Variants in TMTC2 observed in about 807,000 individuals in gnomAD.
TMTC2 encodes protein O-mannosyl-transferase TMTC2.
A neutral mutation model predicts 82.4 loss-of-function variants in TMTC2; 43 were observed. That is an observed-to-expected ratio of 0.52 (90% CI 0.41 to 0.67). TMTC2 has a LOEUF of 0.67. TMTC2 is among the 30% of genes least tolerant of loss of function. The pLI is 0.00. For synonymous variants in TMTC2, 408 were observed against 381.9 expected (o/e 1.07, Z -0.80); for missense variants, 919 against 1,012.4 (o/e 0.91, Z 1.25).
intron 1 of TMTC2, among the ~76,000 whole-genome samples, chr12:82,700,463 T>C (rs1873021704): frequency 6.6e-6 from 1 of 152,134 alleles, no homozygotes; most frequent in Admixed American, 6.6e-5. Flanking sequence ...AATAACTTAG[T>C]ATTTTAGGTA....
At chr12:82,957,184 C>T (rs1302920356) in intron 4 of TMTC2, among the ~76,000 whole-genome samples, 1 of 152,126 alleles carries the variant, frequency 6.6e-6, no homozygotes, top group Non-Finnish European at 1.5e-5. Flanking sequence ...ACCACCCACA[C>T]TCTTGGACCA....
intron 11 of TMTC2, among the ~76,000 whole-genome samples, chr12:83,064,954 T>C (rs1381245932): frequency 1.3e-5 from 2 of 151,938 alleles, no homozygotes; most frequent in African/African-American, 2.4e-5. Flanking sequence ...ATAGTTCCAT[T>C]GTCTTTTCTA....
intron 1 of TMTC2, among the ~76,000 whole-genome samples, chr12:82,695,026 T>A (rs1872725223): frequency 6.6e-6 from 1 of 152,224 alleles, no homozygotes; most frequent in Admixed American, 6.5e-5. Flanking sequence ...TTAGAAGTAT[T>A]TTAACTTCAA....
At chr12:82,981,068 G>A (rs770505033) in intron 7 of TMTC2, among the ~76,000 whole-genome samples, 36 of 151,910 alleles carry the variant, frequency 2.4e-4, no homozygotes, top group Non-Finnish European at 4.4e-4. Flanking sequence ...TGCATTGTTC[G>A]TGTTGGTTAA....
At chr12:82,916,455 A>G (rs2137219577) in intron 3 of TMTC2, among the ~76,000 whole-genome samples, 1 of 152,318 alleles carries the variant, frequency 6.6e-6, no homozygotes, top group Admixed American at 6.5e-5. Flanking sequence ...TTGCATAGAG[A>G]AGAAATGGAT....
At chr12:82,879,298 C>T (rs1234640365) in intron 2 of TMTC2, among the ~76,000 whole-genome samples, 3 of 152,230 alleles carry the variant, frequency 2.0e-5, no homozygotes, top group South Asian at 4.1e-4. Flanking sequence ...CCTTTTTGGC[C>T]GGTTTCATGG....
intron 3 of TMTC2, among the ~76,000 whole-genome samples, chr12:82,905,056 T>C (rs1436082654): frequency 2.0e-5 from 3 of 151,698 alleles, no homozygotes; most frequent in Non-Finnish European, 2.9e-5. Flanking sequence ...TCTTGGTATA[T>C]AGTAGGGGTC....
chr12:82,951,395 G>A (rs901235869), intron 4 of TMTC2, among the ~76,000 whole-genome samples: 1 of 152,026 alleles, frequency 6.6e-6, no homozygotes, highest in Non-Finnish European at 1.5e-5. Flanking sequence ...GGTTCAAGCA[G>A]TTCTCCTGCC....
At chr12:83,109,492 GTC>G (rs890801397) in intron 11 of TMTC2, among the ~76,000 whole-genome samples, 6 of 152,168 alleles carry the variant, frequency 3.9e-5, no homozygotes, top group Non-Finnish European at 7.4e-5. Context: ...ACTAAGTTTG[GTC>G]TCTCAAGAAA....
intron 1 of TMTC2, among the ~76,000 whole-genome samples, chr12:82,711,938 C>T (rs572701628): frequency 2.4e-4 from 37 of 152,266 alleles, no homozygotes; most frequent in Non-Finnish European, 3.8e-4. Context: ...AGTGAATTCT[C>T]CTCCTTCTTG....
At chr12:83,050,556 C>A (rs561384359) in intron 9 of TMTC2, among the ~76,000 whole-genome samples, 1 of 151,872 alleles carries the variant, frequency 6.6e-6, no homozygotes, top group South Asian at 2.1e-4. Context: ...TATGAATATA[C>A]CTGTTTGTAC....
At chr12:83,071,161 G>GC (rs1555210467) in intron 11 of TMTC2, among the ~76,000 whole-genome samples, 7 of 135,412 alleles carry the variant, frequency 5.2e-5, no homozygotes, top group African/African-American at 2.0e-4. Context: ...TTTTTTTTTT[G>GC]TTTTTTTTTT....
chr12:83,065,645 G>C (rs1349622016), intron 11 of TMTC2, among the ~76,000 whole-genome samples: 1 of 150,322 alleles, frequency 6.7e-6, no homozygotes, highest in African/African-American at 2.4e-5. Context: ...ATTTTTTTTT[G>C]GTTTTAAATA....
At chr12:83,002,381 G>A (rs1187180341) in intron 8 of TMTC2, among the ~76,000 whole-genome samples, 1 of 151,858 alleles carries the variant, frequency 6.6e-6, no homozygotes, top group Admixed American at 6.6e-5. Flanking sequence ...TATCAACTTT[G>A]TTTATTCTTT....
chr12:82,953,685 T>C (rs963117323), intron 4 of TMTC2, among the ~76,000 whole-genome samples: 21 of 152,200 alleles, frequency 1.4e-4, no homozygotes, highest in African/African-American at 5.1e-4. Context: ...CTAAAGCCAT[T>C]AGCTAAATAA....
intron 2 of TMTC2, among the ~76,000 whole-genome samples, chr12:82,892,540 G>C (rs372389273): frequency 2.0e-5 from 3 of 152,266 alleles, no homozygotes; most frequent in African/African-American, 7.2e-5. Flanking sequence ...TCTGTCTTTA[G>C]AAATAAAATA....
intron 1 of TMTC2, among the ~76,000 whole-genome samples, chr12:82,714,747 C>T (rs566231568): frequency 1.3e-5 from 2 of 152,248 alleles, no homozygotes; most frequent in African/African-American, 2.4e-5. Flanking sequence ...ACATAGCTCA[C>T]ATTCTAAAAT....
At chr12:83,041,481 G>T (rs10466961) in intron 9 of TMTC2, among the ~76,000 whole-genome samples, 1 of 151,898 alleles carries the variant, frequency 6.6e-6, no homozygotes, top group Admixed American at 6.6e-5. Context: ...GTGACAATGG[G>T]CATTTATTAT....
At chr12:82,908,557 A>G (rs1215866015) in intron 3 of TMTC2, among the ~76,000 whole-genome samples, 1 of 152,110 alleles carries the variant, frequency 6.6e-6, no homozygotes, top group Non-Finnish European at 1.5e-5. Flanking sequence ...ATGTATTATC[A>G]TTCCCATTTT....
Sources: allele counts gnomAD v4.1 joint callset (sites outside exome capture counted in the v4.1 genomes callset), GRCh38; gene constraint gnomAD v4.1.1; transcripts MANE v1.5; gene names NCBI Gene and HGNC (gene_info 2026-07-23, HGNC 2026-07-21).